The following USP12 variants were observed in gnomAD, a reference collection of about 807,000 sequenced individuals.
The protein encoded by USP12 is ubiquitin specific peptidase 12.
USP12 carries 19 observed loss-of-function variants against 45.5 expected under a neutral mutation model. The ratio of observed to expected loss-of-function variants is 0.42; its 90% confidence interval spans 0.29 to 0.61. The LOEUF is 0.61. Ranked by LOEUF, USP12 falls within the 20% of genes least tolerant of loss-of-function variation. USP12 has a pLI of 0.22. For synonymous variants in USP12, 149 were observed against 148.8 expected, an observed-to-expected ratio of 1.00 and a Z score of -0.01; for missense variants, 242 against 447.7, an observed-to-expected ratio of 0.54 and a Z score of 4.15.
At chr13:27,155,279 C>T (rs574947985) in intron 1 of USP12, among the ~76,000 whole-genome samples, 196 of 151,876 alleles carry the variant, frequency 1.3e-3, no homozygotes, top group African/African-American at 4.5e-3. Flanking sequence ...GACAGGGTTT[C>T]ACCATGTTGG....
At chr13:27,087,238 A>G (rs1036669615) in intron 6 of USP12, among the ~76,000 whole-genome samples, 2 of 127,130 alleles carry the variant, frequency 1.6e-5, no homozygotes, top group Admixed American at 1.7e-4. Flanking sequence ...ATAAGTAAAT[A>G]TAGTGGGGAG....
At chr13:27,087,596 G>A (rs1019559319) in intron 6 of USP12, among the ~76,000 whole-genome samples, 2 of 152,210 alleles carry the variant, frequency 1.3e-5, no homozygotes, top group Non-Finnish European at 2.9e-5. Context: ...CAGGAACAAT[G>A]ACATCCCAAT....
chr13:27,095,961 A>G, intron 3 of USP12, 131 bp from the exon 4 acceptor site: 9 of 617,648 alleles, frequency 1.5e-5, no homozygotes, highest in Non-Finnish European at 2.3e-5. Context: ...GTAATGTATA[A>G]CAAATAACTT....
intron 1 of USP12, among the ~76,000 whole-genome samples, chr13:27,163,085 T>C (rs1377157119): frequency 6.6e-6 from 1 of 152,202 alleles, no homozygotes. Flanking sequence ...CATTTTCTCT[T>C]CTTAAAAAAA....
chr13:27,144,826 G>A (rs538402600), intron 1 of USP12, among the ~76,000 whole-genome samples: 87 of 150,560 alleles, frequency 5.8e-4, no homozygotes, highest in African/African-American at 2.0e-3. Context: ...TTGGGAGGTC[G>A]AAACAGGCAG....
intron 1 of USP12, among the ~76,000 whole-genome samples, chr13:27,159,787 A>G (rs1188355429): frequency 6.6e-6 from 1 of 152,248 alleles, no homozygotes; most frequent in Non-Finnish European, 1.5e-5. Context: ...GTCACATTCA[A>G]CTTTACAAGT....
chr13:27,123,641 A>C (rs1876098617), intron 1 of USP12, among the ~76,000 whole-genome samples: 1 of 152,230 alleles, frequency 6.6e-6, no homozygotes, highest in South Asian at 2.1e-4. Flanking sequence ...AATAAGTCTC[A>C]TGAGATCTGA....
At chr13:27,135,852 A>G (rs147834771) in intron 1 of USP12, among the ~76,000 whole-genome samples, 166 of 152,354 alleles carry the variant, frequency 1.1e-3, no homozygotes, top group African/African-American at 3.8e-3. Flanking sequence ...GCAGCAAAGA[A>G]GGAAAACATG....
At position 27,160,794 on chromosome 13, in the gene USP12, T is replaced by C. The variant is rs539281619; in HGVS notation, c.48+10798A>G. Among the ~76,000 whole-genome samples the C allele has an allele frequency of 9.4e-3, 1,432 of 151,942 alleles. 21 individuals are homozygous for C. Among genetic ancestry groups the C allele is most frequent in the African/African-American group, 0.033 (1,368 of 41,402 alleles). On this transcript the variant is annotated intron_variant, in intron 1 of 8. Transcript: ENST00000282344. ...AGCATCATGTTTCTTTTTTTTTTTT[T>C]TCCCCCTTCAACCTTAAGTTACAGG...
intron 4 of USP12, among the ~76,000 whole-genome samples, chr13:27,095,097 GTGAGCTGAGAT>G (rs573421429): frequency 6.6e-6 from 1 of 152,318 alleles, no homozygotes; most frequent in Non-Finnish European, 1.5e-5. Context: ...CGAGGCTACA[GTGAGCTGAGAT>G]TGGGCCACTG....
At chr13:27,116,237 G>C (rs531791869) in intron 2 of USP12, among the ~76,000 whole-genome samples, 14 of 150,782 alleles carry the variant, frequency 9.3e-5, no homozygotes, top group Non-Finnish European at 2.1e-4. Flanking sequence ...GCGTGAACCC[G>C]GGAGGCAGAC....
chr13:27,111,949 G>A (rs1280027129), intron 2 of USP12, among the ~76,000 whole-genome samples: 2 of 152,158 alleles, frequency 1.3e-5, no homozygotes, highest in African/African-American at 4.8e-5. Context: ...ATAGGTGCAA[G>A]GGAATGAGAG....
At chr13:27,082,665 G>C (rs1016385086) in intron 6 of USP12, among the ~76,000 whole-genome samples, 4 of 152,208 alleles carry the variant, frequency 2.6e-5, no homozygotes, top group Non-Finnish European at 5.9e-5. Context: ...CTTAAAGTGA[G>C]AGACATGTAA....
At chr13:27,154,644 TA>T (rs573552575) in intron 1 of USP12, among the ~76,000 whole-genome samples, 2 of 151,108 alleles carry the variant, frequency 1.3e-5, no homozygotes, top group African/African-American at 2.4e-5. Context: ...TTTTTAAAGT[TA>T]AAAAAAAACG....
chr13:27,154,837 G>A (rs1024816760), intron 1 of USP12, among the ~76,000 whole-genome samples: 2 of 152,086 alleles, frequency 1.3e-5, no homozygotes, highest in African/African-American at 4.8e-5. Context: ...GTAAGTGAAA[G>A]AGGGAAGCAG....
intron 6 of USP12, among the ~76,000 whole-genome samples, chr13:27,085,122 T>C (rs748793052): frequency 4.6e-5 from 7 of 152,156 alleles, no homozygotes; most frequent in Admixed American, 1.3e-4. Context: ...CTAAGTATTT[T>C]ATTGTTTCTA....
At chr13:27,120,416 G>A (rs142417414) in intron 1 of USP12, among the ~76,000 whole-genome samples, 43 of 152,272 alleles carry the variant, frequency 2.8e-4, no homozygotes, top group Middle Eastern at 3.4e-3. Flanking sequence ...ACTTTGAGAC[G>A]ATGAGGCAGG....
At chr13:27,143,431 C>T (rs900873256) in intron 1 of USP12, among the ~76,000 whole-genome samples, 3 of 152,078 alleles carry the variant, frequency 2.0e-5, no homozygotes, top group Non-Finnish European at 2.9e-5. Flanking sequence ...TTCTTCTTTA[C>T]AGAGGAATGC....
intron 3 of USP12, among the ~76,000 whole-genome samples, chr13:27,097,465 C>CAAA (rs1254145137): frequency 6.6e-6 from 1 of 152,162 alleles, no homozygotes. Context: ...AACTCCATCT[C>CAAA]AAAAACAACA....
Sources: gnomAD v4.1 joint callset for allele counts (sites outside exome capture counted in the v4.1 genomes callset) on GRCh38, gnomAD v4.1.1 for gene constraint, MANE v1.5 for transcripts, NCBI Gene and HGNC (gene_info 2026-07-23, HGNC 2026-07-21) for gene names.